Variants in DNHD1 observed in about 807,000 individuals in gnomAD.
DNHD1 encodes the protein dynein heavy chain domain-containing protein 1.
In DNHD1, 383 loss-of-function variants were observed where a neutral mutation model predicts 458.1. The observed-to-expected ratio is 0.84, with a 90% CI of 0.77 to 0.91. The LOEUF (loss-of-function observed/expected upper bound fraction) is 0.91. Among genes scored for constraint, DNHD1 ranks in the 40% least tolerant of loss-of-function variants. The pLI is 0.00. For missense variants in DNHD1, 5,336 were observed against 5,866.1 expected (o/e 0.91, Z 2.95); for synonymous variants, 2,203 against 2,376.9 (o/e 0.93, Z 2.13).
Position 6,540,011 on chromosome 11 carries a change from T to TC in DNHD1, c.3558dup (p.Lys1187GlnfsTer17). 1 of 1,551,580 alleles carries TC rather than the reference T, an allele frequency of 6.4e-7. No individual in the cohort carries two copies. The highest frequency in any genetic ancestry group is 1.4e-5 in the African/African-American group (1 of 73,172). On this transcript the variant is annotated frameshift_variant, in exon 18 of 43. Coordinates refer to ENST00000254579, the MANE Select transcript of DNHD1 (RefSeq NM_144666.3). ...CTACGAGCCCCCAGCCTCAGAGCGC[T>TC]CCAAGAGGCAGGTGCTCCGCAGCCC...
In DNHD1 at chr11:6,558,049, G is replaced by A. The variant is rs1853506721; in HGVS notation, c.8754G>A (p.Gly2918=). 2 of 1,551,592 alleles carry A rather than the reference G, an allele frequency of 1.3e-6. No individual in the cohort carries two copies. Among genetic ancestry groups the A allele is most frequent in the Non-Finnish European group, 1.7e-6 (2 of 1,146,992 alleles). Reference sequence around the variant, plus strand: ...CCCATTTCTTTCATCTACCATCTGGGTCAGAGGAGGCCATTCTCCAATGTC... The same window carrying A: ...CCCATTTCTTTCATCTACCATCTGGATCAGAGGAGGCCATTCTCCAATGTC... ...CQAHFFHLPS[G]SEEAILQCLR... The change falls in exon 25 of 43, where the codon GGG becomes GGA. Residue 2918 remains glycine (G), a synonymous_variant. Coordinates refer to ENST00000254579, the MANE Select transcript of DNHD1 (RefSeq NM_144666.3).
At position 6,498,089 on chromosome 11, in the gene DNHD1, C is replaced by G; in HGVS notation, c.-127C>G. The stretch of plus-strand genomic sequence containing the variant: ...ATCCCCTGCCCAGAGCCTGAGGTCC[C>G]TTCTCTGGCCCCTCTGCTGGGCTGG... On this transcript the variant is annotated 5_prime_UTR_variant, in exon 3 of 43. Transcript: ENST00000254579. 1 of 1,369,124 alleles carries G rather than the reference C, an allele frequency of 7.3e-7. No homozygotes were observed. The allele number at this position is 1,369,124 out of a possible 1,614,324, so 84.8% of individuals were successfully genotyped here.
intron 33 of DNHD1, 87 bp from the exon 34 acceptor site, chr11:6,566,154 G>T: frequency 6.6e-7 from 1 of 1,509,826 alleles, no homozygotes; most frequent in Non-Finnish European, 8.9e-7. Flanking sequence ...CCACAGGGAA[G>T]CTGGTCAGAG....
rs530098258 is a variant in DNHD1 at position 6,501,208 on chromosome 11, C to T, written c.747-1545C>T. ...AGTGAATGGAAGATGAAGTGGAAAT[C>T]GCATTTTACGATTTTTTTTGTGAAG... On this transcript the variant is annotated intron_variant, in intron 3 of 42. Transcript: ENST00000254579. Among the ~76,000 whole-genome samples the T allele has an allele frequency of 1.1e-4, 16 of 151,098 alleles. No individual in the cohort carries two copies. The South Asian group carries it at 2.1e-3, about 20-fold the overall frequency.
chr11:6,571,138 G>C lies in DNHD1; in HGVS notation c.13626G>C (p.Pro4542=). ...CCTTGCCTTGGCGACCTCATGCGCC[G>C]GCCGGTCCGCAGCCGCCCTGGCACT... ...RLPLPWRPHA[P]AGPQPPWHWL... is the part of the protein sequence containing the mutation. The change falls in exon 42 of 43, where the codon CCG becomes CCC. Residue 4542 remains proline, a synonymous_variant. Transcript: ENST00000254579. This position sits in a 1 kb window ranked among gnomAD's most constrained non-coding sequence, Gnocchi z 5.0. The C allele has an allele frequency of 1.2e-6, 2 of 1,600,748 alleles. No individual in the cohort carries two copies. The highest frequency in any genetic ancestry group is 1.7e-6 in the Non-Finnish European group (2 of 1,175,198).
rs749538258 is a variant in DNHD1 at position 6,568,512 on chromosome 11, C to G, written c.12597C>G (p.Ser4199Arg). 5 of 1,614,028 alleles carry G rather than the reference C, an allele frequency of 3.1e-6. No individual in the cohort carries two copies. The change falls in exon 38 of 43, where the codon AGC (serine) becomes AGG (arginine). Residue 4199 changes from serine (S) to arginine (R), a missense_variant. Ser to Arg is a moderately radical substitution (Grantham distance 110). Around this residue, in one of 4 missense-constraint regions of DNHD1, gnomAD observed 695 missense variants for 804.2 expected, o/e 0.86. Coordinates refer to ENST00000254579, the MANE Select transcript of DNHD1 (RefSeq NM_144666.3). ...LLDQPESRNV[S>R]TVHRDFRLWL... Reference sequence around the variant, plus strand: ...ACCAACCTGAAAGCAGGAATGTAAGCACTGTTCACAGAGATTTTCGTCTTT... The same window carrying G: ...ACCAACCTGAAAGCAGGAATGTAAGGACTGTTCACAGAGATTTTCGTCTTT...
intron 14 of DNHD1, 66 bp downstream of exon 14, chr11:6,534,239 G>A: frequency 6.8e-7 from 1 of 1,478,224 alleles, no homozygotes; most frequent in South Asian, 1.3e-5. Context: ...AGTAAGAGTT[G>A]GAACTCAGGG....
chr11:6,545,453 C>A lies in DNHD1; in HGVS notation c.4514C>A (p.Ala1505Asp), dbSNP rs1853190058. 1.3e-6 allele frequency: 2 copies of A among 1,551,874 alleles called. No homozygotes were observed. Among genetic ancestry groups the A allele is most frequent in the Non-Finnish European group, 1.7e-6 (2 of 1,147,034 alleles). Residue 1505 changes from alanine (A) to aspartate (D), a missense_variant, in exon 21 of 43, where the codon GCC becomes GAC. Transcript: ENST00000254579. The surrounding 1 kb of genome is among the most constrained non-coding windows in gnomAD (Gnocchi z 4.9). The part of the protein sequence containing the change: ...YVQHWIDLVQ[A>D]FPWQCVLVAE... Reference sequence around the variant, plus strand: ...CAGCACTGGATCGACTTAGTCCAGGCCTTCCCATGGCAGTGTGTGCTGGTG... The same window carrying A: ...CAGCACTGGATCGACTTAGTCCAGGACTTCCCATGGCAGTGTGTGCTGGTG...
At chr11:6,517,618 C>T (rs1298329897) in intron 7 of DNHD1, among the ~76,000 whole-genome samples, 1 of 126,020 alleles carries the variant, frequency 7.9e-6, no homozygotes, top group African/African-American at 2.9e-5. Flanking sequence ...ATAAGCCAGA[C>T]AAGGAAAGAC....
chr11:6,566,396 G>A lies in DNHD1; in HGVS notation c.11206+3G>A. The A allele has an allele frequency of 1.3e-6, 2 of 1,558,610 alleles. No individual in the cohort carries two copies. The highest frequency in any genetic ancestry group is 4.8e-5 in the East Asian group (2 of 41,394). ...CTCCCTCTGTGCCATGGAAAAAGGT[G>A]AGGCCCAGAGGGCAAATTGCCAGCA... is the stretch of plus-strand genomic sequence containing the variant. On this transcript the variant is annotated splice_donor_region_variant and intron_variant, in intron 34 of 42. Coordinates refer to ENST00000254579, the MANE Select transcript of DNHD1 (RefSeq NM_144666.3).
At chr11:6,525,555 T>G (rs981544504) in intron 10 of DNHD1, among the ~76,000 whole-genome samples, 1 of 152,236 alleles carries the variant, frequency 6.6e-6, no homozygotes, top group Non-Finnish European at 1.5e-5. Context: ...ACAATATCTT[T>G]AAGCCCACTA....
Position 6,548,160 on chromosome 11 carries a change from G to A in DNHD1, c.6906-50G>A, listed in dbSNP as rs1271588089. On this transcript the variant is annotated intron_variant, in intron 22 of 42. Coordinates refer to ENST00000254579, the MANE Select transcript of DNHD1 (RefSeq NM_144666.3). This position sits in a 1 kb window ranked among gnomAD's most constrained non-coding sequence, Gnocchi z 4.4. Reference sequence around the variant, plus strand: ...TGGAGTGTGTGAGTGTGTCATAAATGGAAGTGTTGTAACTGTCTGACGCTT... The same window carrying A: ...TGGAGTGTGTGAGTGTGTCATAAATAGAAGTGTTGTAACTGTCTGACGCTT... The A allele has an allele frequency of 6.5e-7, 1 of 1,546,386 alleles. No homozygotes were observed. The highest frequency in any genetic ancestry group is 1.2e-5 in the South Asian group (1 of 83,908).
Position 6,571,419 on chromosome 11 carries a change from T to C in DNHD1, c.13907T>C (p.Phe4636Ser). The C allele has an allele frequency of 6.3e-7, 1 of 1,591,002 alleles. No homozygotes were observed. Among genetic ancestry groups the C allele is most frequent in the South Asian group, 1.1e-5 (1 of 89,252 alleles). ...RLEMNSNPLH[F>S]RVENGPNPTV... is the part of the protein sequence containing the mutation. ...GAGATGAACAGCAACCCTCTGCACT[T>C]CAGGGTATCTTCGCGCCGCCCCTCG... Residue 4636 changes from phenylalanine (F) to serine (S), a missense_variant, in exon 42 of 43, where the codon TTC (phenylalanine) becomes TCC (serine). Coordinates refer to ENST00000254579, the MANE Select transcript of DNHD1 (RefSeq NM_144666.3). This position sits in a 1 kb window ranked among gnomAD's most constrained non-coding sequence, Gnocchi z 5.0.
Position 6,559,040 on chromosome 11 carries a change from A to G in DNHD1, c.9350A>G (p.Asp3117Gly). 6.4e-7 allele frequency: 1 copy of G among 1,551,598 alleles called. No homozygotes were observed. Among genetic ancestry groups the G allele is most frequent in the South Asian group, 1.2e-5 (1 of 84,046 alleles). The part of the protein sequence containing the change: ...LPLVTPKTFL[D>G]FLDTFLMLQQ... ...CTCGTCACCCCCAAGACCTTCCTAGACTTCCTGGACACTTTCCTGATGCTG... is the reference window on the plus strand; with the variant it reads ...CTCGTCACCCCCAAGACCTTCCTAGGCTTCCTGGACACTTTCCTGATGCTG... Residue 3117 changes from aspartate (D) to glycine (G), a missense_variant, in exon 27 of 43, where the codon GAC (aspartate) becomes GGC (glycine). By Grantham distance (94) the Asp-to-Gly change is moderately conservative. Around this residue, in one of 4 missense-constraint regions of DNHD1, gnomAD observed 3,932 missense variants for 4,365.6 expected, o/e 0.90. Coordinates refer to ENST00000254579, the MANE Select transcript of DNHD1 (RefSeq NM_144666.3).
intron 7 of DNHD1, among the ~76,000 whole-genome samples, chr11:6,514,820 A>AAAG (rs1852424493): frequency 6.6e-6 from 1 of 152,166 alleles, no homozygotes; most frequent in South Asian, 2.1e-4. Context: ...ATAGAATACC[A>AAAG]AAGACTGGGT....
intron 14 of DNHD1, among the ~76,000 whole-genome samples, chr11:6,536,359 CAATATAA>C (rs1410260515): frequency 6.6e-6 from 1 of 151,972 alleles, no homozygotes; most frequent in Non-Finnish European, 1.5e-5. Flanking sequence ...AATATTGTAT[CAATATAA>C]TATATGAAAT....
Position 6,547,041 on chromosome 11 carries a change from T to A in DNHD1, c.6102T>A (p.Ser2034Arg), listed in dbSNP as rs765586626. 1.0e-5 allele frequency: 16 copies of A among 1,551,540 alleles called. No homozygotes were observed. Among genetic ancestry groups the A allele is most frequent in the Non-Finnish European group, 1.4e-5 (16 of 1,146,976 alleles). The change falls in exon 21 of 43, where the codon AGT (serine) becomes AGA (arginine). Residue 2034 changes from serine to arginine, a missense_variant. By Grantham distance (110) the Ser-to-Arg change is moderately radical. Coordinates refer to ENST00000254579, the MANE Select transcript of DNHD1 (RefSeq NM_144666.3). The stretch of plus-strand genomic sequence containing the variant: ...TGGAAATTACCCACCTGTACCCCAG[T>A]GGCCTCAGCCCCCAGGAGTTCCTGG... ...QPVEITHLYP[S>R]GLSPQEFLGW...
At position 6,558,469 on chromosome 11, in the gene DNHD1, G is replaced by A; in HGVS notation, c.9003-16G>A. 1 of 1,551,332 alleles carries A rather than the reference G, an allele frequency of 6.4e-7. No individual in the cohort carries two copies. Among genetic ancestry groups the A allele is most frequent in the South Asian group, 1.2e-5 (1 of 84,064 alleles). On this transcript the variant is annotated splice_polypyrimidine_tract_variant and intron_variant, in intron 25 of 42. Coordinates refer to ENST00000254579, the MANE Select transcript of DNHD1 (RefSeq NM_144666.3). ...AAAGGTAAAGGGGAGGACATTAGCT[G>A]AGCCCTGGCCCACAGGTTCCACCAG...
rs749094399 is a variant in DNHD1, at chr11:6,570,294, G to A, written c.13003G>A (p.Ala4335Thr). 2 of 1,613,632 alleles carry A rather than the reference G, an allele frequency of 1.2e-6. No homozygotes were observed. Among genetic ancestry groups the A allele is most frequent in the Non-Finnish European group, 1.7e-6 (2 of 1,179,740 alleles). Residue 4335 changes from alanine (A) to threonine (T), a missense_variant, in exon 41 of 43, where the codon GCC becomes ACC. Around this residue, in one of 4 missense-constraint regions of DNHD1, gnomAD observed 698 missense variants for 664.9 expected, o/e 1.05. Coordinates refer to ENST00000254579, the MANE Select transcript of DNHD1 (RefSeq NM_144666.3). ...GPLGDTEDRE[A>T]LISLTQACLS... Reference sequence around the variant, plus strand: ...TCTGGGGGACACTGAGGACAGGGAGGCCCTGATTAGCCTCACACAAGCCTG... The same window carrying A: ...TCTGGGGGACACTGAGGACAGGGAGACCCTGATTAGCCTCACACAAGCCTG...
Sources: gnomAD v4.1 joint callset for allele counts (sites outside exome capture counted in the v4.1 genomes callset) on GRCh38, gnomAD v4.1.1 for gene constraint, gnomAD v4.1.1 regional missense constraint, Gnocchi (gnomAD v3.1) non-coding constraint, MANE v1.5 for transcripts, NCBI Gene and HGNC (gene_info 2026-07-23, HGNC 2026-07-21) for gene names.